Variants in SCAPER observed in about 807,000 individuals in gnomAD.
SCAPER encodes S-phase cyclin A associated protein in the ER.
A neutral mutation model predicts 182.2 loss-of-function variants in SCAPER; 98 were observed. The observed-to-expected ratio is 0.54, with a 90% CI of 0.46 to 0.64. The LOEUF (loss-of-function observed/expected upper bound fraction) is 0.64. Ranked by LOEUF, SCAPER falls within the 30% of genes least tolerant of loss-of-function variation. SCAPER has a pLI of 0.00. For synonymous variants in SCAPER, 605 were observed against 564.6 expected (o/e 1.07, Z -1.01); for missense variants, 1,432 against 1,690.0 (o/e 0.85, Z 2.68).
chr15:76,824,012 T>A (rs2067786819), intron 5 of SCAPER, among the ~76,000 whole-genome samples: 1 of 152,180 alleles, frequency 6.6e-6, no homozygotes, highest in Non-Finnish European at 1.5e-5. Flanking sequence ...CACAGCCTAT[T>A]TCAAGGAATG....
intron 23 of SCAPER, among the ~76,000 whole-genome samples, chr15:76,517,292 G>T (rs2144194881): frequency 6.6e-6 from 1 of 151,338 alleles, no homozygotes; most frequent in Admixed American, 6.6e-5. Context: ...TTATAGAAGG[G>T]TTGCAAGGAT....
intron 26 of SCAPER, among the ~76,000 whole-genome samples, chr15:76,419,239 G>A (rs868155208): frequency 2.8e-4 from 43 of 151,046 alleles, no homozygotes; most frequent in African/African-American, 1.0e-3. Context: ...GGTGGCAGGA[G>A]AATCGCTTGA....
intron 5 of SCAPER, among the ~76,000 whole-genome samples, chr15:76,827,476 G>A (rs1421891446): frequency 1.3e-5 from 2 of 152,100 alleles, no homozygotes; most frequent in South Asian, 2.1e-4. Flanking sequence ...AAAATGATTA[G>A]TCTACTGTGG....
At chr15:76,764,897 G>A in intron 14 of SCAPER, 64 bp downstream of exon 14, 4 of 881,754 alleles carry the variant, frequency 4.5e-6, no homozygotes, top group Non-Finnish European at 6.9e-6. Flanking sequence ...CAGACCAGAA[G>A]TAGAGTTGAA....
intron 26 of SCAPER, among the ~76,000 whole-genome samples, chr15:76,415,883 T>C (rs142082297): frequency 6.6e-6 from 1 of 152,152 alleles, no homozygotes; most frequent in African/African-American, 2.4e-5. Flanking sequence ...GAAAATCTTA[T>C]CAGTTAACAA....
intron 21 of SCAPER, among the ~76,000 whole-genome samples, chr15:76,623,326 T>C (rs953965593): frequency 1.3e-5 from 2 of 152,220 alleles, no homozygotes; most frequent in African/African-American, 4.8e-5. Context: ...GCCAAGGCCA[T>C]TGTCTAGAAT....
chr15:76,637,104 A>G (rs1396432690), intron 21 of SCAPER, among the ~76,000 whole-genome samples: 1 of 151,958 alleles, frequency 6.6e-6, no homozygotes, highest in Non-Finnish European at 1.5e-5. Context: ...CACCACCACC[A>G]CCTAACTTTA....
chr15:76,704,419 A>C (rs903974695), intron 18 of SCAPER, among the ~76,000 whole-genome samples: 1 of 152,150 alleles, frequency 6.6e-6, no homozygotes, highest in African/African-American at 2.4e-5. Context: ...CTGAATGGTA[A>C]TGCCTAGGTT....
intron 24 of SCAPER, among the ~76,000 whole-genome samples, chr15:76,487,490 G>C (rs2051773271): frequency 6.6e-6 from 1 of 152,066 alleles, no homozygotes; most frequent in Admixed American, 6.6e-5. Context: ...AACTAGAAAA[G>C]GCAAAGAGTG....
chr15:76,616,399 A>T (rs1382952114), intron 22 of SCAPER, among the ~76,000 whole-genome samples: 1 of 152,180 alleles, frequency 6.6e-6, no homozygotes, highest in Non-Finnish European at 1.5e-5. Flanking sequence ...TTTACACTTA[A>T]CATGAGTTAC....
intron 8 of SCAPER, among the ~76,000 whole-genome samples, chr15:76,775,642 C>T (rs1241874067): frequency 6.6e-6 from 1 of 152,084 alleles, no homozygotes; most frequent in Non-Finnish European, 1.5e-5. Context: ...CAAACATCTA[C>T]CTCCAAAGTC....
At chr15:76,533,922 A>G (rs1332679106) in intron 23 of SCAPER, among the ~76,000 whole-genome samples, 1 of 152,232 alleles carries the variant, frequency 6.6e-6, no homozygotes, top group East Asian at 1.9e-4. Flanking sequence ...TATTAACCAA[A>G]TTAGTAAAAT....
At chr15:76,892,633 A>G (rs1178940525) in intron 1 of SCAPER, among the ~76,000 whole-genome samples, 2 of 152,230 alleles carry the variant, frequency 1.3e-5, no homozygotes, top group Non-Finnish European at 2.9e-5. Flanking sequence ...ACCATCTCAC[A>G]CCAGTTAGAA....
intron 5 of SCAPER, among the ~76,000 whole-genome samples, chr15:76,826,652 T>C (rs973580885): frequency 3.3e-5 from 5 of 151,732 alleles, no homozygotes; most frequent in African/African-American, 1.2e-4. Context: ...GCATGGATGT[T>C]CCCTCCTAAA....
intron 3 of SCAPER, among the ~76,000 whole-genome samples, chr15:76,860,003 A>G (rs1240877961): frequency 1.3e-5 from 2 of 152,226 alleles, no homozygotes; most frequent in African/African-American, 2.4e-5. Context: ...GACGTGAGCC[A>G]CTGCGCCCAG....
intron 23 of SCAPER, among the ~76,000 whole-genome samples, chr15:76,544,665 G>C (rs1219186972): frequency 3.3e-5 from 5 of 152,202 alleles, no homozygotes; most frequent in Admixed American, 2.6e-4. Flanking sequence ...TGGGAGGTTA[G>C]TGGGAAATGG....
chr15:76,755,381 C>T (rs1396145088), intron 14 of SCAPER, among the ~76,000 whole-genome samples: 4 of 152,168 alleles, frequency 2.6e-5, no homozygotes, highest in Admixed American at 6.5e-5. Context: ...CTACCTAACG[C>T]ATTTTTATGA....
intron 22 of SCAPER, among the ~76,000 whole-genome samples, chr15:76,614,743 T>G (rs1340124846): frequency 6.6e-6 from 1 of 152,194 alleles, no homozygotes; most frequent in Non-Finnish European, 1.5e-5. Context: ...AGCTTTATTA[T>G]TTCCTTCAGA....
Position 76,351,364 on chromosome 15 carries a change from C to A in SCAPER, c.4048-76G>T, listed in dbSNP as rs1336609868. On this transcript the variant is annotated intron_variant, in intron 30 of 31. Transcript: ENST00000563290. ...TTCACTAAGGGTGGCTTTAAATATA[C>A]TTCTGATTCATGCAACCACTTTTGT... is the stretch of plus-strand genomic sequence containing the variant. 8.3e-6 allele frequency: 11 copies of A among 1,327,472 alleles called. No individual in the cohort carries two copies. The East Asian group carries it at 2.5e-4, about 31-fold the overall frequency. 82.2% of individuals were successfully genotyped at this position (1,327,472 alleles called of 1,614,324 possible).
Sources: gnomAD v4.1 joint callset for allele counts (sites outside exome capture counted in the v4.1 genomes callset) on GRCh38, gnomAD v4.1.1 for gene constraint, MANE v1.5 for transcripts, NCBI Gene and HGNC (gene_info 2026-07-23, HGNC 2026-07-21) for gene names.